The following ROR1 variants were observed in gnomAD, a reference collection of about 807,000 sequenced individuals.
ROR1 encodes ROR family WNT receptor 1.
In ROR1, 19 loss-of-function variants were observed where a neutral mutation model predicts 78.8. The observed-to-expected ratio is 0.24, with a 90% CI of 0.17 to 0.35. ROR1 has a LOEUF of 0.35. Ranked by LOEUF, ROR1 falls within the 10% of genes least tolerant of loss-of-function variation. The pLI, the probability that ROR1 is intolerant of heterozygous loss-of-function variation, is 1.00. For missense variants in ROR1, 917 were observed against 1,177.8 expected, an observed-to-expected ratio of 0.78 and a Z score of 3.24; for synonymous variants, 386 against 433.6, an observed-to-expected ratio of 0.89 and a Z score of 1.36.
intron 1 of ROR1, among the ~76,000 whole-genome samples, chr1:63,961,822 A>G (rs1255352783): frequency 6.6e-6 from 1 of 152,188 alleles, no homozygotes; most frequent in Non-Finnish European, 1.5e-5. Context: ...GTACATTTCA[A>G]AATAACTAGA....
At chr1:64,058,526 G>GT (rs1328294037) in intron 4 of ROR1, among the ~76,000 whole-genome samples, 1 of 149,162 alleles carries the variant, frequency 6.7e-6, no homozygotes. Flanking sequence ...TTTCTTCTAT[G>GT]TTTTTTACTA....
At chr1:63,924,907 G>A (rs1041920368) in intron 1 of ROR1, among the ~76,000 whole-genome samples, 1 of 144,084 alleles carries the variant, frequency 6.9e-6, no homozygotes, top group Non-Finnish European at 1.5e-5. Context: ...GGAAGGTTTT[G>A]CGGATTGGAC....
chr1:64,035,989 T>C (rs1646699286), intron 2 of ROR1, among the ~76,000 whole-genome samples: 1 of 152,192 alleles, frequency 6.6e-6, no homozygotes, highest in African/African-American at 2.4e-5. Flanking sequence ...CTCTGGTGTG[T>C]ATTTGATTAT....
At position 64,141,394 on chromosome 1, in the gene ROR1, A is replaced by G. The variant is rs558036042; in HGVS notation, c.928+968A>G. Among the ~76,000 whole-genome samples, 10 of 152,248 alleles carry G rather than the reference A, an allele frequency of 6.6e-5. No individual in the cohort carries two copies. In the South Asian group the frequency reaches 1.2e-3, roughly 19 times the overall value. On this transcript the variant is annotated intron_variant, in intron 6 of 8. Coordinates refer to ENST00000371079, the MANE Select transcript of ROR1 (RefSeq NM_005012.4). ...AAGTGCCACATGCTTTTAAACGGCCATGAGAATGAGAACTTACTATCCCAA... is the reference window on the plus strand; with the variant it reads ...AAGTGCCACATGCTTTTAAACGGCCGTGAGAATGAGAACTTACTATCCCAA...
intron 4 of ROR1, among the ~76,000 whole-genome samples, chr1:64,054,849 C>A (rs1366941583): frequency 6.6e-6 from 1 of 152,088 alleles, no homozygotes; most frequent in East Asian, 1.9e-4. Flanking sequence ...GGGGTTGGTT[C>A]TTTCTTATGG....
At chr1:64,057,552 G>A (rs1177641282) in intron 4 of ROR1, among the ~76,000 whole-genome samples, 1 of 152,198 alleles carries the variant, frequency 6.6e-6, no homozygotes, top group Non-Finnish European at 1.5e-5. Flanking sequence ...TCATGCCATA[G>A]TCCACAGGTA....
intron 2 of ROR1, among the ~76,000 whole-genome samples, chr1:64,016,250 C>G (rs1323909033): frequency 6.6e-6 from 1 of 152,126 alleles, no homozygotes; most frequent in Non-Finnish European, 1.5e-5. Context: ...GTAGCCACTA[C>G]CCACCTATGT....
At chr1:64,039,377 C>A (rs147376898) in intron 2 of ROR1, among the ~76,000 whole-genome samples, 1 of 152,216 alleles carries the variant, frequency 6.6e-6, no homozygotes, top group African/African-American at 2.4e-5. Context: ...CTTTATGGAT[C>A]CCCAGAGGAA....
intron 1 of ROR1, among the ~76,000 whole-genome samples, chr1:63,842,081 A>G (rs1331916447): frequency 6.6e-6 from 1 of 152,188 alleles, no homozygotes. Context: ...CCACTGTCCA[A>G]ACTTCAACCT....
intron 1 of ROR1, among the ~76,000 whole-genome samples, chr1:63,963,581 CAAAACAAAAAAA>C (rs960775078): frequency 4.0e-5 from 5 of 126,004 alleles, no homozygotes; most frequent in African/African-American, 1.3e-4. Context: ...AAAAACAAAA[CAAAACAAAAAAA>C]AAAACAAAAC....
Position 64,037,690 on chromosome 1 carries a change from C to T in ROR1, c.164-12001C>T, listed in dbSNP as rs544031523. ...GAATAGGGGTTTAGGATGTTAAACACGCTACCATGTGCTAGCAATCCTGCT... is the reference window on the plus strand; with the variant it reads ...GAATAGGGGTTTAGGATGTTAAACATGCTACCATGTGCTAGCAATCCTGCT... On this transcript the variant is annotated intron_variant, in intron 2 of 8. Coordinates refer to ENST00000371079, the MANE Select transcript of ROR1 (RefSeq NM_005012.4). Among the ~76,000 whole-genome samples, 8 of 152,226 alleles carry T rather than the reference C, an allele frequency of 5.3e-5. No individual in the cohort carries two copies. The South Asian group carries it at 8.3e-4, about 16-fold the overall frequency.
chr1:64,032,155 C>T (rs1369511978), intron 2 of ROR1, among the ~76,000 whole-genome samples: 1 of 151,594 alleles, frequency 6.6e-6, no homozygotes, highest in East Asian at 1.9e-4. Context: ...ATCCTGGCTA[C>T]CACAGTGAAA....
At chr1:63,855,845 G>C (rs1297955109) in intron 1 of ROR1, among the ~76,000 whole-genome samples, 1 of 151,354 alleles carries the variant, frequency 6.6e-6, no homozygotes, top group Admixed American at 6.6e-5. Flanking sequence ...TTTTAGTAGA[G>C]ACGGCGTTTC....
intron 2 of ROR1, among the ~76,000 whole-genome samples, chr1:64,043,158 C>A (rs1026997764): frequency 1.3e-5 from 2 of 152,236 alleles, no homozygotes; most frequent in African/African-American, 4.8e-5. Flanking sequence ...CACTTGGCCC[C>A]ACCTTCCTCC....
rs145395225 is a variant in ROR1 at position 64,009,032 on chromosome 1, T to C, written c.92-273T>C. Among the ~76,000 whole-genome samples, 44 of 152,312 alleles carry C rather than the reference T, an allele frequency of 2.9e-4. 1 individual carries two copies. The highest frequency in any genetic ancestry group is 1.1e-3 in the Admixed American group (17 of 15,296). ...TGGTAAGTGATGTTGAGAGGGTTAA[T>C]GTAATATTTTACATTTTAATTTTCA... On this transcript the variant is annotated intron_variant, in intron 1 of 8. Coordinates refer to ENST00000371079, the MANE Select transcript of ROR1 (RefSeq NM_005012.4).
chr1:64,148,519 G>C (rs1649537044), intron 7 of ROR1, among the ~76,000 whole-genome samples: 1 of 152,020 alleles, frequency 6.6e-6, no homozygotes, highest in Non-Finnish European at 1.5e-5. Context: ...ATCTCCATGG[G>C]GTTTCTCATT....
chr1:64,124,614 T>C (rs12127830), intron 4 of ROR1, among the ~76,000 whole-genome samples: 16,422 of 152,172 alleles, frequency 0.11, 972 homozygotes, highest in South Asian at 0.18. Flanking sequence ...AGACCTCTAG[T>C]AGCCCTGACA....
intron 4 of ROR1, among the ~76,000 whole-genome samples, chr1:64,121,592 T>G: frequency 6.6e-6 from 1 of 150,674 alleles, no homozygotes; most frequent in Admixed American, 6.6e-5. Flanking sequence ...CGGGGAAGAG[T>G]ATTTTAAACA....
chr1:63,789,116 G>A, intron 1 of ROR1: 1 of 611,738 alleles, frequency 1.6e-6, no homozygotes, highest in South Asian at 1.4e-5. Context: ...TGTTTTCCTG[G>A]CATCGAGCCT....
Sources: gnomAD v4.1 joint callset for allele counts (sites outside exome capture counted in the v4.1 genomes callset) on GRCh38, gnomAD v4.1.1 for gene constraint, MANE v1.5 for transcripts, NCBI Gene and HGNC (gene_info 2026-07-23, HGNC 2026-07-21) for gene names.